CTNNA2: variants seen among roughly 807,000 people sequenced by gnomAD.
The protein encoded by CTNNA2 is catenin alpha-2.
CTNNA2 carries 42 observed loss-of-function variants against 101.0 expected under a neutral mutation model. That is an observed-to-expected ratio of 0.42 (90% CI 0.32 to 0.54). The LOEUF is 0.54. CTNNA2 is among the 20% of genes least tolerant of loss of function. The probability of loss-of-function intolerance (pLI) is 0.14; values close to 1 mark genes in which losing one functional copy is unlikely to be tolerated. For synonymous variants in CTNNA2, 450 were observed against 456.4 expected (o/e 0.99, Z 0.18); for missense variants, 871 against 1,223.1 (o/e 0.71, Z 4.29).
chr2:80,410,255 G>A (rs1679450221), intron 8 of CTNNA2, among the ~76,000 whole-genome samples: 1 of 152,224 alleles, frequency 6.6e-6, no homozygotes, highest in Non-Finnish European at 1.5e-5. Flanking sequence ...TTTTGAGTTA[G>A]TGAGTTAAAC....
At chr2:79,474,945 C>T (rs1349862289) in intron 4 of CTNNA2, among the ~76,000 whole-genome samples, 2 of 152,064 alleles carry the variant, frequency 1.3e-5, no homozygotes, top group Non-Finnish European at 1.5e-5. Context: ...GAGATTCTTC[C>T]AGCTCTCCAT....
intron 8 of CTNNA2, among the ~76,000 whole-genome samples, chr2:80,397,388 G>A (rs147806270): frequency 1.6e-4 from 24 of 152,222 alleles, no homozygotes; most frequent in African/African-American, 3.6e-4. Context: ...GCCAAGTACC[G>A]TACCTGATAT....
chr2:80,604,893 C>T (rs1039925613), intron 16 of CTNNA2, among the ~76,000 whole-genome samples: 9 of 151,840 alleles, frequency 5.9e-5, no homozygotes, highest in Admixed American at 1.3e-4. Flanking sequence ...AAACAGGTTG[C>T]AGAATCTGGG....
intron 5 of CTNNA2, among the ~76,000 whole-genome samples, chr2:79,873,285 G>A (rs1404573972): frequency 1.3e-5 from 2 of 152,044 alleles, no homozygotes. Flanking sequence ...TACCTTCTTG[G>A]TGGCTTGGTT....
chr2:80,342,831 A>G (rs774759339), intron 7 of CTNNA2, among the ~76,000 whole-genome samples: 3 of 152,204 alleles, frequency 2.0e-5, no homozygotes, highest in Admixed American at 6.5e-5. Flanking sequence ...AGCTTAAACA[A>G]CAGAAATGTA....
chr2:80,360,237 T>G (rs908700390), intron 7 of CTNNA2, among the ~76,000 whole-genome samples: 13 of 152,250 alleles, frequency 8.5e-5, no homozygotes, highest in African/African-American at 3.1e-4. Context: ...TCATTGTGCA[T>G]TGAGCTATTT....
At chr2:80,086,001 A>C (rs2148812670) in intron 7 of CTNNA2, among the ~76,000 whole-genome samples, 1 of 152,158 alleles carries the variant, frequency 6.6e-6, no homozygotes, top group South Asian at 2.1e-4. Context: ...TTTGTAAATC[A>C]CCTATATGTG....
At chr2:80,398,385 A>C (rs1472836571) in intron 8 of CTNNA2, among the ~76,000 whole-genome samples, 4 of 152,224 alleles carry the variant, frequency 2.6e-5, no homozygotes, top group Non-Finnish European at 5.9e-5. Flanking sequence ...AGTTCCTCCA[A>C]GTGTTAAGGT....
chr2:80,118,108 TG>T (rs1227432913), intron 7 of CTNNA2, among the ~76,000 whole-genome samples: 1 of 152,100 alleles, frequency 6.6e-6, no homozygotes, highest in African/African-American at 2.4e-5. Flanking sequence ...AAATGTGGTT[TG>T]TTTTTTTATC....
chr2:80,608,644 C>T (rs1022782092), intron 17 of CTNNA2, among the ~76,000 whole-genome samples: 5 of 151,760 alleles, frequency 3.3e-5, no homozygotes, highest in African/African-American at 1.2e-4. Context: ...TGTGAGTCTA[C>T]TTCCTTTTGT....
chr2:79,933,411 C>A (rs935703467), intron 7 of CTNNA2, among the ~76,000 whole-genome samples: 1 of 151,152 alleles, frequency 6.6e-6, no homozygotes, highest in East Asian at 1.9e-4. Flanking sequence ...CCTAGTGAAA[C>A]AAAGAGGCTG....
intron 7 of CTNNA2, among the ~76,000 whole-genome samples, chr2:80,357,787 A>G (rs1673984365): frequency 6.6e-6 from 1 of 152,174 alleles, no homozygotes. Context: ...TTTGATTCAC[A>G]TAGATAATAC....
In CTNNA2 at chr2:79,220,577, G is replaced by A. The variant is rs552461369; in HGVS notation, c.-406+22501G>A. Among the ~76,000 whole-genome samples the A allele has an allele frequency of 5.3e-4, 81 of 152,156 alleles. No homozygotes were observed. The South Asian group carries it at 0.011, about 20-fold the overall frequency. On this transcript the variant is annotated intron_variant, in intron 2 of 21. Transcript: ENST00000466387. ...AGAAGGGCCAGATGGAGGAGGCAAG[G>A]AGGGCGATACAAGATTGTTTAGAGT...
intron 2 of CTNNA2, among the ~76,000 whole-genome samples, chr2:79,689,070 C>A (rs1473593471): frequency 1.3e-5 from 2 of 151,418 alleles, no homozygotes; most frequent in Non-Finnish European, 2.9e-5. Flanking sequence ...CCAAACACAA[C>A]TGAAGACATC....
intron 9 of CTNNA2, among the ~76,000 whole-genome samples, chr2:80,535,553 T>A (rs778019690): frequency 6.6e-6 from 1 of 152,174 alleles, no homozygotes; most frequent in South Asian, 2.1e-4. Context: ...AGTCAGAACA[T>A]AAACCCTGGG....
At chr2:79,975,248 A>T in intron 7 of CTNNA2, among the ~76,000 whole-genome samples, 1 of 152,152 alleles carries the variant, frequency 6.6e-6, no homozygotes, top group East Asian at 1.9e-4. Flanking sequence ...TGTTCCTCAC[A>T]GTTGGTTTCA....
At chr2:79,658,569 C>T (rs150056133) in intron 2 of CTNNA2, among the ~76,000 whole-genome samples, 131 of 152,040 alleles carry the variant, frequency 8.6e-4, no homozygotes, top group African/African-American at 3.0e-3. Context: ...ATAATTAAAA[C>T]GGAAACCTGT....
At chr2:79,585,202 A>G (rs950472280) in intron 1 of CTNNA2, among the ~76,000 whole-genome samples, 2 of 151,376 alleles carry the variant, frequency 1.3e-5, no homozygotes, top group Non-Finnish European at 1.5e-5. Context: ...TCTGTATGTT[A>G]ATGTTTACAT....
At chr2:79,348,828 T>A (rs1348691695) in intron 3 of CTNNA2, among the ~76,000 whole-genome samples, 1 of 152,208 alleles carries the variant, frequency 6.6e-6, no homozygotes, top group Non-Finnish European at 1.5e-5. Context: ...CACCACTTGG[T>A]GTCTTATTTG....
Sources: gnomAD v4.1 joint callset for allele counts (sites outside exome capture counted in the v4.1 genomes callset) on GRCh38, gnomAD v4.1.1 for gene constraint, MANE v1.5 for transcripts, NCBI Gene and HGNC (gene_info 2026-07-23, HGNC 2026-07-21) for gene names.